TENM2: variants seen among roughly 807,000 people sequenced by gnomAD.
The protein encoded by TENM2 is teneurin transmembrane protein 2.
In TENM2, 52 loss-of-function variants were observed where a neutral mutation model predicts 245.2. The observed-to-expected ratio is 0.21, with a 90% CI of 0.17 to 0.27. The LOEUF is 0.27. Among genes scored for constraint, TENM2 ranks in the 10% least tolerant of loss-of-function variants. The pLI is 1.00. For missense variants in TENM2, 3,046 were observed against 3,666.8 expected (o/e 0.83, Z 4.37); for synonymous variants, 1,363 against 1,438.9 (o/e 0.95, Z 1.19).
chr5:167,328,688 G>T (rs1028131326), intron 1 of TENM2, among the ~76,000 whole-genome samples: 2 of 152,160 alleles, frequency 1.3e-5, no homozygotes, highest in African/African-American at 4.8e-5. Context: ...TAGCTGGAAT[G>T]CTCATTCCCT....
At chr5:167,612,248 T>G (rs1032543279) in intron 2 of TENM2, among the ~76,000 whole-genome samples, 6 of 152,048 alleles carry the variant, frequency 3.9e-5, no homozygotes, top group Admixed American at 2.6e-4. Flanking sequence ...TGCTTTCTGC[T>G]CCCACCCCTT....
chr5:167,059,804 A>G, the TENM2 span, among the ~76,000 whole-genome samples: 5 of 151,386 alleles, frequency 3.3e-5, no homozygotes, highest in Admixed American at 3.3e-4. Flanking sequence ...CCCAGGTTCA[A>G]GCGATTCTCC....
chr5:167,820,320 T>C (rs576492619), intron 2 of TENM2, among the ~76,000 whole-genome samples: 31 of 152,208 alleles, frequency 2.0e-4, no homozygotes, highest in Non-Finnish European at 3.7e-4. Flanking sequence ...AGTGTGTGTT[T>C]TCCAGAGCCT....
At chr5:167,527,699 T>C (rs1019076626) in intron 2 of TENM2, among the ~76,000 whole-genome samples, 3 of 152,200 alleles carry the variant, frequency 2.0e-5, no homozygotes, top group African/African-American at 4.8e-5. Flanking sequence ...TTATGACTTA[T>C]AAATCCAGAA....
At chr5:168,106,920 G>A (rs968436299) in intron 9 of TENM2, among the ~76,000 whole-genome samples, 1 of 152,160 alleles carries the variant, frequency 6.6e-6, no homozygotes, top group African/African-American at 2.4e-5. Flanking sequence ...AATTAGCTGG[G>A]CATGGTAGTG....
At chr5:167,190,084 T>G in the TENM2 span, among the ~76,000 whole-genome samples, 1 of 152,064 alleles carries the variant, frequency 6.6e-6, no homozygotes, top group Non-Finnish European at 1.5e-5. Flanking sequence ...GGGATGTCTT[T>G]GTTTGAGTCC....
intron 2 of TENM2, among the ~76,000 whole-genome samples, chr5:167,495,680 G>A (rs375411788): frequency 6.6e-6 from 1 of 151,992 alleles, no homozygotes; most frequent in African/African-American, 2.4e-5. Flanking sequence ...TTTTTTAGAG[G>A]ACCAGTATCT....
chr5:167,419,969 T>C (rs1191942411), intron 2 of TENM2, among the ~76,000 whole-genome samples: 1 of 152,188 alleles, frequency 6.6e-6, no homozygotes, highest in Non-Finnish European at 1.5e-5. Context: ...GAGAATTTAT[T>C]TGGCATAAAG....
chr5:168,023,806 C>T (rs571960389), intron 5 of TENM2, among the ~76,000 whole-genome samples: 1 of 152,096 alleles, frequency 6.6e-6, no homozygotes, highest in Non-Finnish European at 1.5e-5. Context: ...TGCCACCTGC[C>T]CTGGGAGCTC....
intron 1 of TENM2, among the ~76,000 whole-genome samples, chr5:167,357,012 G>C (rs1445557258): frequency 6.6e-6 from 1 of 152,136 alleles, no homozygotes; most frequent in Non-Finnish European, 1.5e-5. Context: ...ATAATACTGA[G>C]CCTATTGTGT....
intron 2 of TENM2, among the ~76,000 whole-genome samples, chr5:167,687,565 C>T (rs1757156122): frequency 6.6e-6 from 1 of 152,114 alleles, no homozygotes; most frequent in Non-Finnish European, 1.5e-5. Flanking sequence ...CAAGTTTGCT[C>T]ACTTACTGTG....
the TENM2 span, among the ~76,000 whole-genome samples, chr5:167,115,254 T>C: frequency 6.6e-6 from 1 of 152,172 alleles, no homozygotes; most frequent in Non-Finnish European, 1.5e-5. Flanking sequence ...CTGGTCTCCA[T>C]GTCTACAAAA....
chr5:167,937,731 G>A (rs1379745182), intron 3 of TENM2: 1 of 152,072 alleles, frequency 6.6e-6, no homozygotes, highest in Non-Finnish European at 1.5e-5. Flanking sequence ...CAGACCGCAC[G>A]TGTTTTCATT....
At chr5:167,988,393 C>A (rs72824965) in intron 4 of TENM2, among the ~76,000 whole-genome samples, 1 of 151,988 alleles carries the variant, frequency 6.6e-6, no homozygotes, top group Non-Finnish European at 1.5e-5. Context: ...TCAGTTCTAA[C>A]GATGGGGACA....
intron 2 of TENM2, among the ~76,000 whole-genome samples, chr5:167,576,518 A>G (rs1257967736): frequency 6.6e-6 from 1 of 152,204 alleles, no homozygotes; most frequent in Non-Finnish European, 1.5e-5. Context: ...TTTTAAAATT[A>G]TGAGATTGTT....
Position 167,879,616 on chromosome 5 carries a change from G to A in TENM2, c.712+3421G>A, listed in dbSNP as rs1773709687. 2.0e-5 allele frequency among the ~76,000 whole-genome samples: 3 copies of A among 152,180 alleles called. No homozygotes were observed. In the South Asian group the frequency reaches 6.2e-4, roughly 32 times the overall value. ...CAGCATATGATGCAGAAAATATACA[G>A]GCAACCACATTATCTTCTAAAAGCA... On this transcript the variant is annotated intron_variant, in intron 3 of 28. Transcript: ENST00000518659.
the TENM2 span, among the ~76,000 whole-genome samples, chr5:167,107,091 C>CAAAA: frequency 5.8e-5 from 4 of 68,898 alleles, no homozygotes; most frequent in Admixed American, 2.9e-4. Context: ...CTAAAAAATA[C>CAAAA]AAAAAAAAAA....
chr5:167,688,418 A>C (rs1757218014), intron 2 of TENM2, among the ~76,000 whole-genome samples: 1 of 152,222 alleles, frequency 6.6e-6, no homozygotes, highest in Non-Finnish European at 1.5e-5. Flanking sequence ...TTGGGCATGT[A>C]GACTGCACCA....
the TENM2 span, among the ~76,000 whole-genome samples, chr5:167,189,387 G>A: frequency 6.6e-6 from 1 of 152,128 alleles, no homozygotes. Context: ...TTGAGTTGTA[G>A]CAGTTTTTAA....
Sources: gnomAD v4.1 joint callset for allele counts (sites outside exome capture counted in the v4.1 genomes callset) on GRCh38, gnomAD v4.1.1 for gene constraint, MANE v1.5 for transcripts, NCBI Gene and HGNC (gene_info 2026-07-23, HGNC 2026-07-21) for gene names.